Variants in OLAH observed in about 807,000 individuals in gnomAD.
OLAH encodes the protein oleoyl-ACP hydrolase.
In OLAH, 33 loss-of-function variants were observed where a neutral mutation model predicts 27.8. That is an observed-to-expected ratio of 1.19 (90% confidence interval 0.90 to 1.59). OLAH has a LOEUF of 1.59. Among genes scored for constraint, OLAH ranks in the 40% most tolerant of loss-of-function variants. The pLI, the probability that OLAH is intolerant of heterozygous loss-of-function variation, is 0.00. For synonymous variants in OLAH, 120 were observed against 102.9 expected (o/e 1.17, Z -1.01); for missense variants, 359 against 310.8 (o/e 1.16, Z -1.17).
intron 3 of OLAH, among the ~76,000 whole-genome samples, chr10:15,054,073 C>T (rs1844199664): frequency 6.9e-6 from 1 of 145,390 alleles, no homozygotes; most frequent in South Asian, 2.2e-4. Flanking sequence ...GAGTCTCGCT[C>T]TGTCACCCAG....
upstream of OLAH, among the ~76,000 whole-genome samples, chr10:15,042,157 CTTTT>C (rs1291063008): frequency 4.0e-5 from 6 of 151,546 alleles, no homozygotes; most frequent in Admixed American, 2.0e-4. Flanking sequence ...TGGTATTTTT[CTTTT>C]TTCTTTTGAG....
In OLAH at chr10:15,073,462, C is replaced by T. The variant is rs185725238; in HGVS notation, c.*233C>T. On this transcript the variant is annotated 3_prime_UTR_variant, in exon 8 of 8. Coordinates refer to ENST00000378228, the MANE Select transcript of OLAH (RefSeq NM_001039702.3). ...GATCACGAGGTCAGGAGATCGAGACCGTCCTGGCTAACACCGTGAAACCCC... is the reference window on the plus strand; with the variant it reads ...GATCACGAGGTCAGGAGATCGAGACTGTCCTGGCTAACACCGTGAAACCCC... The T allele has an allele frequency of 1.6e-4, 61 of 377,446 alleles. 1 individual carries two copies. The highest frequency in any genetic ancestry group is 1.0e-3 in the South Asian group (36 of 34,384). 23.4% of individuals were successfully genotyped at this position (377,446 alleles called of 1,614,324 possible). A position where few individuals can be genotyped will look rare whatever the true frequency, so the allele number is the denominator to read the frequency against.
At position 15,071,791 on chromosome 10, in the gene OLAH, A is replaced by G. The variant is rs201414988; in HGVS notation, c.573-4A>G. On this transcript the variant is annotated splice_polypyrimidine_tract_variant and splice_region_variant and intron_variant, in intron 6 of 7. Transcript: ENST00000378228. Reference sequence around the variant, plus strand: ...ATTACTAACCAGCTCTTTTATGTTTATAGCTCTAACGTACCATCTAAGGCT... The same window carrying G: ...ATTACTAACCAGCTCTTTTATGTTTGTAGCTCTAACGTACCATCTAAGGCT... 6.2e-7 allele frequency: 1 copy of G among 1,607,400 alleles called. No individual in the cohort carries two copies. The highest frequency in any genetic ancestry group is 1.7e-4 in the Middle Eastern group (1 of 6,046).
At chr10:15,056,944 C>A in intron 3 of OLAH, 2 of 1,498,508 alleles carry the variant, frequency 1.3e-6, no homozygotes, top group Non-Finnish European at 8.9e-7. Flanking sequence ...CCGTGCCTGG[C>A]CAAAATTCTT....
At chr10:15,070,359 T>C (rs996309626) in intron 6 of OLAH, among the ~76,000 whole-genome samples, 2 of 152,192 alleles carry the variant, frequency 1.3e-5, no homozygotes, top group Admixed American at 6.5e-5. Context: ...TTTGATCTTT[T>C]TGGTGACTTC....
chr10:15,061,005 T>C (rs1844351706), intron 3 of OLAH, among the ~76,000 whole-genome samples: 1 of 152,226 alleles, frequency 6.6e-6, no homozygotes, highest in Admixed American at 6.5e-5. Context: ...ATTGTTTCTG[T>C]TAGGCATCCT....
chr10:15,063,328 G>A (rs941947852), intron 4 of OLAH, among the ~76,000 whole-genome samples: 1 of 151,882 alleles, frequency 6.6e-6, no homozygotes, highest in African/African-American at 2.4e-5. Flanking sequence ...ATGGAGTTTC[G>A]CCATGTTGCC....
intron 1 of OLAH, among the ~76,000 whole-genome samples, chr10:15,045,236 C>T (rs959131643): frequency 2.6e-5 from 4 of 152,092 alleles, no homozygotes; most frequent in Admixed American, 6.6e-5. Flanking sequence ...GATCACAGAC[C>T]GTGCTAAGTC....
intron 3 of OLAH, chr10:15,057,061 C>T: frequency 7.8e-7 from 1 of 1,282,786 alleles, no homozygotes; most frequent in Non-Finnish European, 1.0e-6. Context: ...CTCACAGAAG[C>T]TTTAAATTTT....
At chr10:15,045,550 G>A (rs1261462740) in intron 1 of OLAH, among the ~76,000 whole-genome samples, 1 of 152,104 alleles carries the variant, frequency 6.6e-6, no homozygotes, top group Admixed American at 6.6e-5. Flanking sequence ...ACTAAGAAAA[G>A]GCTCTAAGAA....
At chr10:15,040,748 G>A (rs1843907548), upstream of OLAH, among the ~76,000 whole-genome samples, 1 of 152,158 alleles carries the variant, frequency 6.6e-6, no homozygotes, top group Non-Finnish European at 1.5e-5. Context: ...CAAGGAGGAT[G>A]CAACTGTGAA....
At chr10:15,073,030 T>C in intron 7 of OLAH, 57 bp from the exon 8 acceptor site, 1 of 1,527,628 alleles carries the variant, frequency 6.5e-7, no homozygotes, top group Non-Finnish European at 9.0e-7. Context: ...GATGTCTTGA[T>C]GTGAATCTTT....
intron 2 of OLAH, among the ~76,000 whole-genome samples, chr10:15,048,154 C>T (rs1389666339): frequency 1.3e-5 from 2 of 152,174 alleles, no homozygotes; most frequent in African/African-American, 4.8e-5. Context: ...AGAACTTTTC[C>T]TAATATCACC....
chr10:15,053,983 A>G (rs979982480), intron 3 of OLAH, among the ~76,000 whole-genome samples: 7 of 149,912 alleles, frequency 4.7e-5, no homozygotes, highest in African/African-American at 1.5e-4. Flanking sequence ...ACCCGCCTCA[A>G]CCTCCCAAAG....
chr10:15,036,413 G>A (rs1263641278), intron 1 of OLAH, among the ~76,000 whole-genome samples: 1 of 152,028 alleles, frequency 6.6e-6, no homozygotes, highest in African/African-American at 2.4e-5. Flanking sequence ...CAGGAGAATC[G>A]CCGAACCTGG....
chr10:15,071,806 C>G lies in OLAH; in HGVS notation c.584C>G (p.Pro195Arg), dbSNP rs1381530900. 1 of 1,611,914 alleles carries G rather than the reference C, an allele frequency of 6.2e-7. No individual in the cohort carries two copies. Among genetic ancestry groups the G allele is most frequent in the Non-Finnish European group, 8.5e-7 (1 of 1,178,232 alleles). Residue 195 changes from proline (P) to arginine (R), a missense_variant, in exon 7 of 8, where the codon CCA becomes CGA. By Grantham distance (103) the Pro-to-Arg change is moderately radical. Coordinates refer to ENST00000378228, the MANE Select transcript of OLAH (RefSeq NM_001039702.3). ...TTTTATGTTTATAGCTCTAACGTAC[C>G]ATCTAAGGCTGTTCTTTCCTGTGAC... Reference protein sequence around the residue: ...NIVRSCTSNVPSKAVLSCDLT... With the variant: ...NIVRSCTSNVRSKAVLSCDLT...
At chr10:15,053,289 C>G (rs1204452496) in intron 3 of OLAH, among the ~76,000 whole-genome samples, 1 of 152,088 alleles carries the variant, frequency 6.6e-6, no homozygotes, top group Non-Finnish European at 1.5e-5. Flanking sequence ...ACCGCCGGTT[C>G]CAGGGAAAGG....
At chr10:15,055,484 C>T (rs957406399) in intron 3 of OLAH, among the ~76,000 whole-genome samples, 6 of 152,158 alleles carry the variant, frequency 3.9e-5, no homozygotes, top group African/African-American at 1.4e-4. Context: ...TTCCAAGTCT[C>T]GTCCTTTCTA....
intron 4 of OLAH, 154 bp downstream of exon 4, chr10:15,062,016 C>T (rs1168671289): frequency 4.4e-6 from 3 of 682,240 alleles, no homozygotes; most frequent in Non-Finnish European, 7.0e-6. Flanking sequence ...TACAATTCAC[C>T]AGTTTGTATG....
Sources: allele counts gnomAD v4.1 joint callset (sites outside exome capture counted in the v4.1 genomes callset), GRCh38; gene constraint gnomAD v4.1.1; transcripts MANE v1.5; gene names NCBI Gene and HGNC (gene_info 2026-07-23, HGNC 2026-07-21).